Variants in LRRC4C observed in about 807,000 individuals in gnomAD.
LRRC4C encodes the protein leucine-rich repeat-containing protein 4C.
LRRC4C carries 5 observed loss-of-function variants against 33.6 expected under a neutral mutation model. The ratio of observed to expected loss-of-function variants is 0.15; its 90% CI spans 0.08 to 0.31. The LOEUF is 0.31. Among genes scored for constraint, LRRC4C ranks in the 10% least tolerant of loss-of-function variants. The probability of loss-of-function intolerance (pLI) is 1.00; values close to 1 mark genes in which losing one functional copy is unlikely to be tolerated. For synonymous variants in LRRC4C, 329 were observed against 302.0 expected, an observed-to-expected ratio of 1.09 and a Z score of -0.93; for missense variants, 560 against 796.7, an observed-to-expected ratio of 0.70 and a Z score of 3.58.
At chr11:41,103,861 C>T (rs12421051) in intron 1 of LRRC4C, among the ~76,000 whole-genome samples, 5 of 151,866 alleles carry the variant, frequency 3.3e-5, no homozygotes, top group African/African-American at 9.7e-5. Context: ...GAGAAAGGTG[C>T]TAAGGCAATT....
intron 2 of LRRC4C, among the ~76,000 whole-genome samples, chr11:40,666,703 G>A (rs1404571187): frequency 6.6e-6 from 1 of 152,006 alleles, no homozygotes; most frequent in Non-Finnish European, 1.5e-5. Flanking sequence ...AATTGTTATT[G>A]GTGTGTTGAG....
intron 3 of LRRC4C, among the ~76,000 whole-genome samples, chr11:40,397,938 C>T (rs1394383038): frequency 6.6e-6 from 1 of 152,064 alleles, no homozygotes; most frequent in Admixed American, 6.6e-5. Context: ...AAAGAGACAA[C>T]TGATCACCCT....
At chr11:40,993,654 C>CT (rs956126170) in intron 1 of LRRC4C, among the ~76,000 whole-genome samples, 15 of 151,388 alleles carry the variant, frequency 9.9e-5, no homozygotes, top group South Asian at 4.2e-4. Flanking sequence ...TTATTCCCAT[C>CT]TTTTTTTTTC....
intron 1 of LRRC4C, among the ~76,000 whole-genome samples, chr11:41,056,666 C>T (rs1276844372): frequency 1.3e-5 from 2 of 152,096 alleles, no homozygotes; most frequent in African/African-American, 4.8e-5. Flanking sequence ...AAAAAATGCT[C>T]GATACCACTA....
At chr11:40,374,162 T>A (rs1948570641) in intron 3 of LRRC4C, among the ~76,000 whole-genome samples, 1 of 152,138 alleles carries the variant, frequency 6.6e-6, no homozygotes, top group African/African-American at 2.4e-5. Context: ...ATATAACCAT[T>A]TTGTAAGAAT....
chr11:41,321,425 T>C (rs1205733731), intron 1 of LRRC4C, among the ~76,000 whole-genome samples: 2 of 152,188 alleles, frequency 1.3e-5, no homozygotes, highest in Non-Finnish European at 2.9e-5. Flanking sequence ...AAATTTTAGT[T>C]TCTAGGACTA....
At chr11:41,357,330 G>A (rs1952198456) in intron 1 of LRRC4C, among the ~76,000 whole-genome samples, 6 of 152,154 alleles carry the variant, frequency 3.9e-5, no homozygotes. Flanking sequence ...ATTTTAGGTA[G>A]TAGTGGTAAA....
chr11:41,376,450 C>G (rs1349394472), intron 1 of LRRC4C, among the ~76,000 whole-genome samples: 1 of 152,116 alleles, frequency 6.6e-6, no homozygotes, highest in Non-Finnish European at 1.5e-5. Context: ...CAACTAATGG[C>G]CAGACTAGCA....
At chr11:40,413,983 A>G (rs2137666599) in intron 3 of LRRC4C, among the ~76,000 whole-genome samples, 1 of 152,244 alleles carries the variant, frequency 6.6e-6, no homozygotes, top group East Asian at 1.9e-4. Flanking sequence ...AGAATTATGC[A>G]CAATTTTCAT....
In LRRC4C at chr11:41,442,238, T is replaced by TA. The variant is rs1955642894; in HGVS notation, c.-496+17192dup. Among the ~76,000 whole-genome samples, 8 of 152,044 alleles carry TA rather than the reference T, an allele frequency of 5.3e-5. No homozygotes were observed. The South Asian group carries it at 1.4e-3, about 28-fold the overall frequency. On this transcript the variant is annotated intron_variant, in intron 1 of 6. Coordinates refer to ENST00000528697, the MANE Select transcript of LRRC4C (RefSeq NM_001258419.2). ...ATTTCTAGAACAGGATCCAAGTAAA[T>TA]AAAAAATTCTATGACCCATAATACA...
intron 1 of LRRC4C, among the ~76,000 whole-genome samples, chr11:41,095,147 C>T (rs925708776): frequency 3.3e-5 from 5 of 152,098 alleles, no homozygotes; most frequent in African/African-American, 1.2e-4. Context: ...ACTTACAATC[C>T]TGGAGGAAGG....
chr11:40,477,581 T>G (rs527648356), intron 3 of LRRC4C, among the ~76,000 whole-genome samples: 1 of 152,344 alleles, frequency 6.6e-6, no homozygotes, highest in Admixed American at 6.5e-5. Flanking sequence ...ACTCATTTGC[T>G]TATGTTTAAA....
At chr11:41,117,117 TC>T (rs1018734075) in intron 1 of LRRC4C, among the ~76,000 whole-genome samples, 7 of 152,218 alleles carry the variant, frequency 4.6e-5, no homozygotes, top group African/African-American at 1.7e-4. Context: ...GCCCAGGGAC[TC>T]CCGTTACTTT....
chr11:41,369,270 T>G (rs1952656682), intron 1 of LRRC4C, among the ~76,000 whole-genome samples: 1 of 152,182 alleles, frequency 6.6e-6, no homozygotes, highest in Non-Finnish European at 1.5e-5. Context: ...AAGAACATTA[T>G]GCCCAACTTG....
intron 2 of LRRC4C, among the ~76,000 whole-genome samples, chr11:40,903,684 T>G (rs1006313067): frequency 3.2e-4 from 48 of 152,108 alleles, no homozygotes; most frequent in African/African-American, 1.1e-3. Flanking sequence ...GGTTCAAGAC[T>G]TCAGTGGCAT....
At chr11:40,498,727 A>T (rs1954595219) in intron 3 of LRRC4C, among the ~76,000 whole-genome samples, 1 of 152,186 alleles carries the variant, frequency 6.6e-6, no homozygotes, top group Non-Finnish European at 1.5e-5. Flanking sequence ...ATAAACAATG[A>T]TTATGTCTTA....
intron 3 of LRRC4C, among the ~76,000 whole-genome samples, chr11:40,440,191 A>T (rs553238457): frequency 6.6e-6 from 1 of 152,270 alleles, no homozygotes; most frequent in African/African-American, 2.4e-5. Flanking sequence ...AGTACCTAGA[A>T]CATTTCCTGG....
intron 5 of LRRC4C, among the ~76,000 whole-genome samples, chr11:40,144,907 C>T (rs1216577166): frequency 6.6e-6 from 1 of 152,176 alleles, no homozygotes; most frequent in Admixed American, 6.5e-5. Context: ...ACTCACTCTT[C>T]TGTGTTCCTT....
intron 2 of LRRC4C, among the ~76,000 whole-genome samples, chr11:40,706,208 G>A (rs1264227119): frequency 6.6e-6 from 1 of 152,092 alleles, no homozygotes; most frequent in Non-Finnish European, 1.5e-5. Flanking sequence ...AAGCTCTTCA[G>A]TTTAATTAGA....
Sources: gnomAD v4.1 joint callset for allele counts (sites outside exome capture counted in the v4.1 genomes callset) on GRCh38, gnomAD v4.1.1 for gene constraint, MANE v1.5 for transcripts, NCBI Gene and HGNC (gene_info 2026-07-23, HGNC 2026-07-21) for gene names.